Variants in SLC25A33 observed in about 807,000 individuals in gnomAD.
SLC25A33 encodes solute carrier family 25 member 33.
A neutral mutation model predicts 35.5 loss-of-function variants in SLC25A33; 15 were observed. That is an observed-to-expected ratio of 0.42 (90% CI 0.28 to 0.65). The LOEUF (loss-of-function observed/expected upper bound fraction) is 0.65, where lower values mean the gene tolerates loss of function less well. Among genes scored for constraint, SLC25A33 ranks in the 30% least tolerant of loss-of-function variants. The probability of loss-of-function intolerance (pLI) is 0.20; values close to 1 mark genes in which losing one functional copy is unlikely to be tolerated. For missense variants in SLC25A33, 257 were observed against 398.5 expected, an observed-to-expected ratio of 0.64 and a Z score of 3.02; for synonymous variants, 136 against 148.7, an observed-to-expected ratio of 0.91 and a Z score of 0.62.
In SLC25A33 at chr1:9,578,661, G is replaced by A. The variant is rs1033623145; in HGVS notation, c.483-1293G>A. Reference sequence around the variant, plus strand: ...TATTATTTACTTTTTTGTAGAGATAGAGCCTCACTACATTGGCCAGGCTGG... The same window carrying A: ...TATTATTTACTTTTTTGTAGAGATAAAGCCTCACTACATTGGCCAGGCTGG... On this transcript the variant is annotated intron_variant, in intron 5 of 6. Coordinates refer to ENST00000302692, the MANE Select transcript of SLC25A33 (RefSeq NM_032315.3). This position sits in a 1 kb window ranked among gnomAD's most constrained non-coding sequence, Gnocchi z 4.3. 6.6e-6 allele frequency among the ~76,000 whole-genome samples: 1 copy of A among 152,136 alleles called. No individual in the cohort carries two copies. The highest frequency in any genetic ancestry group is 2.1e-4 in the South Asian group (1 of 4,828).
intron 2 of SLC25A33, among the ~76,000 whole-genome samples, chr1:9,561,503 T>C (rs1643423890): frequency 6.6e-6 from 1 of 152,196 alleles, no homozygotes. Flanking sequence ...ATTTTGCAGC[T>C]GAAATGTACC....
intron 5 of SLC25A33, among the ~76,000 whole-genome samples, chr1:9,577,515 G>A (rs1643678021): frequency 6.6e-6 from 1 of 152,130 alleles, no homozygotes; most frequent in Non-Finnish European, 1.5e-5. Flanking sequence ...AAGAAAGCAT[G>A]GTTAGTTCTG....
chr1:9,574,961 C>T (rs1247647069), intron 5 of SLC25A33, among the ~76,000 whole-genome samples: 2 of 152,046 alleles, frequency 1.3e-5, no homozygotes, highest in African/African-American at 4.8e-5. Flanking sequence ...CACCTGTAAT[C>T]CCAGCACTTT....
At chr1:9,550,012 T>TATATATATATATATA (rs55887722) in intron 1 of SLC25A33, among the ~76,000 whole-genome samples, 2 of 33,842 alleles carry the variant, frequency 5.9e-5, no homozygotes, top group African/African-American at 1.7e-4. Context: ...TATATATATA[T>TATATATATATATATA]TTTTTTTTTT....
At chr1:9,543,657 C>G (rs1469710293) in intron 1 of SLC25A33, among the ~76,000 whole-genome samples, 2 of 152,200 alleles carry the variant, frequency 1.3e-5, no homozygotes, top group African/African-American at 4.8e-5. Context: ...CCATTTAGAT[C>G]TACTCAGTAC....
chr1:9,545,078 AG>A (rs1171711437), intron 1 of SLC25A33, among the ~76,000 whole-genome samples: 2 of 152,190 alleles, frequency 1.3e-5, no homozygotes, highest in Non-Finnish European at 1.5e-5. Context: ...TAAACTAGGG[AG>A]GCATGGGTGT....
intron 5 of SLC25A33, chr1:9,576,778 A>G (rs1643666832): frequency 1.7e-6 from 2 of 1,142,960 alleles, no homozygotes. Context: ...TGAAAAATAC[A>G]CCCGCAGGGT....
At chr1:9,580,770 C>T (rs1243663217) in intron 6 of SLC25A33, among the ~76,000 whole-genome samples, 7 of 151,340 alleles carry the variant, frequency 4.6e-5, no homozygotes, top group Non-Finnish European at 7.4e-5. Context: ...GCAGGAGAAT[C>T]GCTTGAACCC....
At chr1:9,548,122 T>C (rs1254399654) in intron 1 of SLC25A33, among the ~76,000 whole-genome samples, 5 of 152,130 alleles carry the variant, frequency 3.3e-5, no homozygotes, top group Non-Finnish European at 5.9e-5. Flanking sequence ...GCAATCTGCC[T>C]GCCTTGGCCT....
At chr1:9,562,872 T>C (rs977091180) in intron 2 of SLC25A33, among the ~76,000 whole-genome samples, 2 of 150,554 alleles carry the variant, frequency 1.3e-5, no homozygotes, top group African/African-American at 4.9e-5. Context: ...AAAAAAAAAT[T>C]ATATAAATTG....
At position 9,545,430 on chromosome 1, in the gene SLC25A33, C is replaced by G. The variant is rs1012798981; in HGVS notation, c.56+5683C>G. On this transcript the variant is annotated intron_variant, in intron 1 of 6. Transcript: ENST00000302692. ...ATTTTTATTTTGAGACGGAGTCTCA[C>G]TCTGTCGCCCAGGCTGGAGTGCAGT... Among the ~76,000 whole-genome samples the G allele has an allele frequency of 2.0e-5, 3 of 151,644 alleles. No individual in the cohort carries two copies. In the East Asian group the frequency reaches 5.9e-4, roughly 30 times the overall value.
At chr1:9,549,991 C>CTA (rs201007654) in intron 1 of SLC25A33, among the ~76,000 whole-genome samples, 2,851 of 87,664 alleles carry the variant, frequency 0.033, 155 homozygotes, top group African/African-American at 0.12. Flanking sequence ...TATATTTTTT[C>CTA]TATACATATA....
intron 4 of SLC25A33, 104 bp from the exon 5 acceptor site, chr1:9,573,242 G>A (rs1294035512): frequency 4.2e-5 from 31 of 741,128 alleles, no homozygotes; most frequent in South Asian, 3.3e-4. Context: ...CTTTTTATTA[G>A]GCCATTGAAA....
chr1:9,559,330 G>A (rs1311058080), intron 2 of SLC25A33, among the ~76,000 whole-genome samples: 4 of 152,060 alleles, frequency 2.6e-5, no homozygotes, highest in South Asian at 2.1e-4. Flanking sequence ...CCCAAGCATC[G>A]AGAATGTTGC....
chr1:9,551,908 T>A (rs1471677723), intron 1 of SLC25A33, among the ~76,000 whole-genome samples: 2 of 152,150 alleles, frequency 1.3e-5, no homozygotes, highest in Non-Finnish European at 2.9e-5. Flanking sequence ...TTGGTAGGCA[T>A]GGGTGAGGAT....
At chr1:9,544,781 GATT>G (rs766943354) in intron 1 of SLC25A33, among the ~76,000 whole-genome samples, 10 of 152,176 alleles carry the variant, frequency 6.6e-5, no homozygotes, top group Non-Finnish European at 1.5e-4. Context: ...GTGGGGTAGT[GATT>G]ATTATCAGAA....
intron 2 of SLC25A33, among the ~76,000 whole-genome samples, chr1:9,560,077 C>T (rs1569857060): frequency 6.6e-6 from 1 of 151,984 alleles, no homozygotes; most frequent in East Asian, 1.9e-4. Context: ...CATGGCGAAA[C>T]CTCGTCTCTA....
chr1:9,544,916 G>A (rs757614229), intron 1 of SLC25A33, among the ~76,000 whole-genome samples: 15 of 152,168 alleles, frequency 9.9e-5, no homozygotes, highest in Non-Finnish European at 1.9e-4. Flanking sequence ...GAGTTAAAAA[G>A]CACAATTCTG....
chr1:9,550,994 A>G (rs1643258459), intron 1 of SLC25A33, among the ~76,000 whole-genome samples: 1 of 152,064 alleles, frequency 6.6e-6, no homozygotes, highest in South Asian at 2.1e-4. Flanking sequence ...ATCTTTTTAA[A>G]AATATTCCTT....
Sources: allele counts gnomAD v4.1 joint callset (sites outside exome capture counted in the v4.1 genomes callset), GRCh38; gene constraint gnomAD v4.1.1; non-coding constraint Gnocchi (gnomAD v3.1); transcripts MANE v1.5; gene names NCBI Gene and HGNC (gene_info 2026-07-23, HGNC 2026-07-21).